Variants in RBFOX1 observed in about 807,000 individuals in gnomAD.
RBFOX1 encodes RNA binding fox-1 homolog 1.
RBFOX1 carries 8 observed loss-of-function variants against 57.7 expected under a neutral mutation model. That is an observed-to-expected ratio of 0.14 (90% CI 0.08 to 0.25). The LOEUF (loss-of-function observed/expected upper bound fraction) is 0.25, where lower values mean the gene tolerates loss of function less well. Among genes scored for constraint, RBFOX1 ranks in the 10% least tolerant of loss-of-function variants. The pLI, the probability that RBFOX1 is intolerant of heterozygous loss-of-function variation, is 1.00. For synonymous variants in RBFOX1, 326 were observed against 222.4 expected, an observed-to-expected ratio of 1.47 and a Z score of -4.15; for missense variants, 611 against 548.5, an observed-to-expected ratio of 1.11 and a Z score of -1.14.
chr16:5,731,083 C>CCATCAA (rs1459923670), intron 3 of RBFOX1, among the ~76,000 whole-genome samples: 1 of 151,980 alleles, frequency 6.6e-6, no homozygotes, highest in African/African-American at 2.4e-5. Flanking sequence ...ATCACCATCA[C>CCATCAA]CATCAACATC....
chr16:7,425,537 C>T (rs1292744106), intron 4 of RBFOX1, among the ~76,000 whole-genome samples: 1 of 152,184 alleles, frequency 6.6e-6, no homozygotes, highest in Non-Finnish European at 1.5e-5. Flanking sequence ...CACCTTATTT[C>T]TGGCGGTCTC....
At chr16:6,658,568 G>A (rs976118649) in intron 3 of RBFOX1, among the ~76,000 whole-genome samples, 1 of 152,078 alleles carries the variant, frequency 6.6e-6, no homozygotes, top group Non-Finnish European at 1.5e-5. Flanking sequence ...CACAGTCTGG[G>A]CTCGATCTGA....
At chr16:6,776,648 T>G (rs2079420983) in intron 3 of RBFOX1, among the ~76,000 whole-genome samples, 2 of 152,048 alleles carry the variant, frequency 1.3e-5, no homozygotes, top group Admixed American at 1.3e-4. Flanking sequence ...CGGTATGCCA[T>G]CTCTACATAC....
chr16:7,366,424 G>T (rs375258309), intron 4 of RBFOX1, among the ~76,000 whole-genome samples: 1 of 152,058 alleles, frequency 6.6e-6, no homozygotes, highest in African/African-American at 2.4e-5. Context: ...GCCGAGTTTG[G>T]CCTTGAAAAA....
At chr16:6,018,959 A>T, upstream of RBFOX1, 1 of 422,086 alleles carries the variant, frequency 2.4e-6, no homozygotes, top group Non-Finnish European at 3.2e-6. Context: ...CCAGGGCTGC[A>T]CGCGTGACCG....
chr16:5,297,554 C>A (rs185374604), intron 1 of RBFOX1, among the ~76,000 whole-genome samples: 1 of 152,086 alleles, frequency 6.6e-6, no homozygotes, highest in East Asian at 1.9e-4. Context: ...TGAGAAATGT[C>A]TACTTAGATC....
intron 5 of RBFOX1, among the ~76,000 whole-genome samples, chr16:7,548,021 A>G (rs1205727488): frequency 3.3e-5 from 5 of 152,218 alleles, no homozygotes; most frequent in South Asian, 2.1e-4. Context: ...GGATTGCTGT[A>G]AAGAGGACAC....
intron 10 of RBFOX1, among the ~76,000 whole-genome samples, chr16:7,617,761 G>C (rs552702089): frequency 1.3e-5 from 2 of 152,274 alleles, no homozygotes; most frequent in Admixed American, 1.3e-4. Flanking sequence ...AGTCAACAGG[G>C]TAGTAGAAGG....
chr16:5,331,304 C>G (rs550595134), intron 1 of RBFOX1, among the ~76,000 whole-genome samples: 12 of 152,218 alleles, frequency 7.9e-5, no homozygotes, highest in African/African-American at 2.7e-4. Context: ...TATCAGTCAA[C>G]AAATGCTACA....
intron 2 of RBFOX1, among the ~76,000 whole-genome samples, chr16:5,562,603 A>G (rs1367943644): frequency 1.3e-5 from 2 of 152,126 alleles, no homozygotes; most frequent in African/African-American, 2.4e-5. Context: ...TAGGATAGAA[A>G]TGGGGTTCCT....
chr16:7,167,693 G>A (rs1420670186), intron 4 of RBFOX1, among the ~76,000 whole-genome samples: 9 of 152,224 alleles, frequency 5.9e-5, no homozygotes, highest in Non-Finnish European at 1.0e-4. Context: ...ACTAAGGCCT[G>A]AGAGCCAAAT....
chr16:5,352,053 G>A (rs146587408), intron 1 of RBFOX1, among the ~76,000 whole-genome samples: 38 of 152,194 alleles, frequency 2.5e-4, no homozygotes, highest in Non-Finnish European at 4.1e-4. Flanking sequence ...TGATCCACCC[G>A]CCTCAGCCTC....
chr16:5,249,696 T>G (rs1158640270), intron 1 of RBFOX1, among the ~76,000 whole-genome samples: 1 of 152,244 alleles, frequency 6.6e-6, no homozygotes, highest in Admixed American at 6.5e-5. Flanking sequence ...AGACCAGGTG[T>G]GGTGGCTCAC....
At chr16:7,684,846 A>G (rs528412993) in intron 14 of RBFOX1, among the ~76,000 whole-genome samples, 1 of 152,182 alleles carries the variant, frequency 6.6e-6, no homozygotes, top group East Asian at 1.9e-4. Context: ...TTCCTGGACA[A>G]TACCAGCTTC....
chr16:5,656,667 C>G (rs1490769482), intron 3 of RBFOX1, among the ~76,000 whole-genome samples: 1 of 152,168 alleles, frequency 6.6e-6, no homozygotes, highest in Non-Finnish European at 1.5e-5. Context: ...CTCTTATAGC[C>G]ATACCCAAGG....
chr16:6,404,745 A>G (rs1472805819), intron 2 of RBFOX1, among the ~76,000 whole-genome samples: 2 of 152,104 alleles, frequency 1.3e-5, no homozygotes, highest in African/African-American at 4.8e-5. Flanking sequence ...TGAAGATCTC[A>G]GCTCCCTTAT....
At chr16:5,798,996 C>G (rs1406502919) in intron 3 of RBFOX1, among the ~76,000 whole-genome samples, 1 of 152,086 alleles carries the variant, frequency 6.6e-6, no homozygotes, top group Non-Finnish European at 1.5e-5. Flanking sequence ...TGCAAAAGGG[C>G]TTATTAGTCT....
At chr16:7,207,825 C>G (rs1337568600) in intron 4 of RBFOX1, among the ~76,000 whole-genome samples, 2 of 152,188 alleles carry the variant, frequency 1.3e-5, no homozygotes, top group African/African-American at 4.8e-5. Context: ...AGGCCACCAT[C>G]TATCACCAGA....
intron 4 of RBFOX1, among the ~76,000 whole-genome samples, chr16:7,254,134 A>AC (rs1022504680): frequency 2.0e-5 from 3 of 151,906 alleles, no homozygotes; most frequent in African/African-American, 7.3e-5. Context: ...CAACCCTGTG[A>AC]CCCCCTTGTT....
Sources: gnomAD v4.1 joint callset for allele counts (sites outside exome capture counted in the v4.1 genomes callset) on GRCh38, gnomAD v4.1.1 for gene constraint, MANE v1.5 for transcripts, NCBI Gene and HGNC (gene_info 2026-07-23, HGNC 2026-07-21) for gene names.